Variants in GCH1 observed in about 807,000 individuals in gnomAD.
GCH1 encodes GTP cyclohydrolase I.
In GCH1, 5 loss-of-function variants were observed where a neutral mutation model predicts 25.9. That is an observed-to-expected ratio of 0.19 (90% CI 0.10 to 0.41). The LOEUF is 0.41. Among genes scored for constraint, GCH1 ranks in the 10% least tolerant of loss-of-function variants. The pLI is 1.00. For synonymous variants in GCH1, 159 were observed against 129.6 expected (o/e 1.23, Z -1.54); for missense variants, 261 against 336.5 (o/e 0.78, Z 1.75).
In GCH1 at chr14:54,843,231, A is replaced by G; in HGVS notation, c.*786T>C. 1.4e-6 allele frequency: 2 copies of G among 1,406,406 alleles called. No individual in the cohort carries two copies. Among genetic ancestry groups the G allele is most frequent in the South Asian group, 3.5e-5 (2 of 57,188 alleles). 87.1% of individuals were successfully genotyped at this position (1,406,406 alleles called of 1,614,324 possible). On this transcript the variant is annotated 3_prime_UTR_variant, in exon 6 of 6. Transcript: ENST00000491895. The stretch of plus-strand genomic sequence containing the variant: ...ACTAGTTATTTGCAGTGTGAGTACT[A>G]AGTCTCATAAAATAATGGCTTTTTT...
At chr14:54,877,642 A>AGCCAC (rs1357352168) in intron 1 of GCH1, among the ~76,000 whole-genome samples, 3 of 152,072 alleles carry the variant, frequency 2.0e-5, no homozygotes, top group African/African-American at 2.4e-5. Context: ...TACAGGCGCA[A>AGCCAC]GCCACCATGC....
At chr14:54,884,444 G>T (rs568635070) in intron 1 of GCH1, among the ~76,000 whole-genome samples, 1 of 152,156 alleles carries the variant, frequency 6.6e-6, no homozygotes, top group African/African-American at 2.4e-5. Context: ...TTCTCTTTTA[G>T]AGCATTGTTT....
intron 2 of GCH1, among the ~76,000 whole-genome samples, chr14:54,863,421 C>CAA (rs755639452): frequency 1.2e-4 from 1 of 8,330 alleles, no homozygotes; most frequent in South Asian, 3.7e-3. Context: ...GACTCCGTCT[C>CAA]AAAAAAAAAA....
At chr14:54,898,740 C>A (rs141117746) in intron 1 of GCH1, among the ~76,000 whole-genome samples, 10,879 of 152,256 alleles carry the variant, frequency 0.071, 627 homozygotes, top group Non-Finnish European at 0.11. Flanking sequence ...CTGCCTCAGC[C>A]TTCCAAGTAG....
rs570666909 is a variant in GCH1, at chr14:54,884,685, G to T, written c.343+17636C>A. ...CTTGGGAGGCTGAGGCAGGAGAATCGCTTGAACCCAGAAGACAGAGGTTGC... is the reference window on the plus strand; with the variant it reads ...CTTGGGAGGCTGAGGCAGGAGAATCTCTTGAACCCAGAAGACAGAGGTTGC... On this transcript the variant is annotated intron_variant, in intron 1 of 5. Transcript: ENST00000491895. Among the ~76,000 whole-genome samples, 6 of 143,342 alleles carry T rather than the reference G, an allele frequency of 4.2e-5. No individual in the cohort carries two copies. The East Asian group carries it at 8.0e-4, about 19-fold the overall frequency. The allele number at this position is 143,342 out of a possible 152,430, so 94.0% of individuals were successfully genotyped here. A position where few individuals can be genotyped will look rare whatever the true frequency, so the allele number is the denominator to read the frequency against.
At position 54,845,928 on chromosome 14, in the gene GCH1, T is replaced by G. The variant is rs117012577; in HGVS notation, c.542-76A>C. ...AAGCTTTTTCTGTCTCTAGAACATT[T>G]GAAATCTTAAAAATCAGACTTCTGT... On this transcript the variant is annotated intron_variant, in intron 4 of 5. Transcript: ENST00000491895. 1.1e-3 allele frequency: 921 copies of G among 848,454 alleles called. 5 individuals are homozygous for G. Among genetic ancestry groups the G allele is most frequent in the South Asian group, 2.3e-3 (177 of 75,356 alleles). The allele number at this position is 848,454 out of a possible 1,614,324, so 52.6% of individuals were successfully genotyped here.
intron 5 of GCH1, among the ~76,000 whole-genome samples, chr14:54,845,245 C>T (rs1025646730): frequency 6.6e-5 from 10 of 151,486 alleles, no homozygotes; most frequent in African/African-American, 1.9e-4. Flanking sequence ...TTTGGGAGGC[C>T]GTGACGGGTG....
At chr14:54,845,646 A>G in intron 5 of GCH1, 122 bp downstream of exon 5, 1 of 754,132 alleles carries the variant, frequency 1.3e-6, no homozygotes, top group South Asian at 1.4e-5. Flanking sequence ...AGGGATGGAA[A>G]TCTACAGTTA....
intron 3 of GCH1, among the ~76,000 whole-genome samples, chr14:54,851,929 T>C (rs2039737186): frequency 1.3e-5 from 2 of 152,190 alleles, no homozygotes; most frequent in African/African-American, 4.8e-5. Context: ...CACACATATG[T>C]TTATTGCAGC....
intron 1 of GCH1, among the ~76,000 whole-genome samples, chr14:54,866,076 G>T (rs2039985504): frequency 6.6e-6 from 1 of 151,522 alleles, no homozygotes. Flanking sequence ...TGTTTAAGCT[G>T]TGGACCCTGG....
At chr14:54,882,152 G>A (rs537663993) in intron 1 of GCH1, among the ~76,000 whole-genome samples, 1 of 152,322 alleles carries the variant, frequency 6.6e-6, no homozygotes, top group South Asian at 2.1e-4. Flanking sequence ...GGAACCGCAC[G>A]CACAGTGGTT....
intron 1 of GCH1, among the ~76,000 whole-genome samples, chr14:54,877,569 C>G (rs1255541032): frequency 6.6e-6 from 1 of 152,162 alleles, no homozygotes; most frequent in Non-Finnish European, 1.5e-5. Context: ...TCTCAGCTCA[C>G]TGCAACCTCC....
intron 1 of GCH1, among the ~76,000 whole-genome samples, chr14:54,894,542 G>A (rs1487610790): frequency 6.6e-6 from 1 of 152,164 alleles, no homozygotes; most frequent in Non-Finnish European, 1.5e-5. Flanking sequence ...TGGGAATCTA[G>A]TACGAGTACC....
At chr14:54,849,928 C>T (rs2039699281) in intron 3 of GCH1, among the ~76,000 whole-genome samples, 1 of 152,210 alleles carries the variant, frequency 6.6e-6, no homozygotes, top group Admixed American at 6.5e-5. Flanking sequence ...CCTCCTCTTC[C>T]CAATCTGCCT....
At chr14:54,902,289 C>G in intron 1 of GCH1, 32 bp downstream of exon 1, 1 of 1,606,864 alleles carries the variant, frequency 6.2e-7, no homozygotes, top group Non-Finnish European at 8.5e-7. Flanking sequence ...CCCCGCCGCC[C>G]GCACGCTCTA....
Position 54,891,558 on chromosome 14 carries a change from T to C in GCH1, c.343+10763A>G, listed in dbSNP as rs1481705635. Among the ~76,000 whole-genome samples, 5 of 152,172 alleles carry C rather than the reference T, an allele frequency of 3.3e-5. 1 individual carries two copies. In the East Asian group the frequency reaches 5.8e-4, roughly 18 times the overall value. The stretch of plus-strand genomic sequence containing the variant: ...CCGAGTACCTGGGATTACAGGCACA[T>C]GCCACTATGCCTGCTTAATTTTTGT... On this transcript the variant is annotated intron_variant, in intron 1 of 5. Coordinates refer to ENST00000491895, the MANE Select transcript of GCH1 (RefSeq NM_000161.3).
rs773107365 is a variant in GCH1, at chr14:54,843,076, A to C, written c.*941T>G. 3.2e-5 allele frequency: 43 copies of C among 1,343,804 alleles called. No individual in the cohort carries two copies. Among genetic ancestry groups the C allele is most frequent in the Non-Finnish European group, 4.5e-5 (42 of 936,038 alleles). 83.2% of individuals were successfully genotyped at this position (1,343,804 alleles called of 1,614,324 possible). ...AGACCTGAAAATGATGGGCACTCTC[A>C]AATGTTTCTGGAAATACTTAGAAAA... On this transcript the variant is annotated 3_prime_UTR_variant, in exon 6 of 6. Transcript: ENST00000491895.
chr14:54,892,650 C>T (rs2040438017), intron 1 of GCH1, among the ~76,000 whole-genome samples: 1 of 151,972 alleles, frequency 6.6e-6, no homozygotes, highest in Non-Finnish European at 1.5e-5. Flanking sequence ...GATCACACCA[C>T]TTCACTCCAG....
intron 3 of GCH1, among the ~76,000 whole-genome samples, chr14:54,847,553 C>G (rs941841424): frequency 7.9e-5 from 12 of 152,174 alleles, no homozygotes; most frequent in Admixed American, 1.3e-4. Flanking sequence ...AAACATCGAA[C>G]TCCAAGTTCT....
Sources: allele counts gnomAD v4.1 joint callset (sites outside exome capture counted in the v4.1 genomes callset), GRCh38; gene constraint gnomAD v4.1.1; transcripts MANE v1.5; gene names NCBI Gene and HGNC (gene_info 2026-07-23, HGNC 2026-07-21).